GALNT10: variants seen among roughly 807,000 people sequenced by gnomAD.
The protein encoded by GALNT10 is polypeptide N-acetylgalactosaminyltransferase 10.
GALNT10 carries 41 observed loss-of-function variants against 75.0 expected under a neutral mutation model. The observed-to-expected ratio is 0.55, with a 90% CI of 0.43 to 0.71. The LOEUF (loss-of-function observed/expected upper bound fraction) is 0.71. Among genes scored for constraint, GALNT10 ranks in the 30% least tolerant of loss-of-function variants. The pLI is 0.00. For synonymous variants in GALNT10, 302 were observed against 313.0 expected, an observed-to-expected ratio of 0.96 and a Z score of 0.37; for missense variants, 727 against 818.5, an observed-to-expected ratio of 0.89 and a Z score of 1.36.
intron 3 of GALNT10, among the ~76,000 whole-genome samples, chr5:154,310,329 T>A (rs1158548857): frequency 6.6e-6 from 1 of 152,068 alleles, no homozygotes; most frequent in African/African-American, 2.4e-5. Context: ...TTTTGGTAGG[T>A]TGTTAGCGAG....
chr5:154,416,480 T>TACAAACACACAC lies in GALNT10; in HGVS notation c.1654-331_1654-330insAACACACACACA, dbSNP rs1554102731. Among the ~76,000 whole-genome samples, 1 of 141,828 alleles carries TACAAACACACAC rather than the reference T, an allele frequency of 7.1e-6. No homozygotes were observed. The highest frequency in any genetic ancestry group is 1.5e-5 in the Non-Finnish European group (1 of 65,982). 93.0% of individuals were successfully genotyped at this position (141,828 alleles called of 152,430 possible). ...AAATAAAAGATAAAAGGAAAGCACA[T>TACAAACACACAC]ACACACACACACACACACACACACA... On this transcript the variant is annotated intron_variant, in intron 11 of 11. Transcript: ENST00000297107. This position sits in a 1 kb window ranked among gnomAD's most constrained non-coding sequence, Gnocchi z 4.5.
chr5:154,203,389 C>A (rs1206179426), intron 1 of GALNT10, among the ~76,000 whole-genome samples: 1 of 152,192 alleles, frequency 6.6e-6, no homozygotes, highest in Non-Finnish European at 1.5e-5. Context: ...TTTATCATAT[C>A]CAGTCTCCCT....
chr5:154,253,396 G>A (rs957495142), intron 1 of GALNT10, among the ~76,000 whole-genome samples: 10 of 121,220 alleles, frequency 8.2e-5, no homozygotes, highest in African/African-American at 3.0e-4. Context: ...CTGTTGTGGG[G>A]TGGGGGGAGG....
At position 154,412,832 on chromosome 5, in the gene GALNT10, C is replaced by A. The variant is rs1756426623; in HGVS notation, c.1387-57C>A. 8.6e-7 allele frequency: 1 copy of A among 1,168,296 alleles called. No individual in the cohort carries two copies. Among genetic ancestry groups the A allele is most frequent in the Admixed American group, 1.7e-5 (1 of 59,400 alleles). The allele number at this position is 1,168,296 out of a possible 1,614,324, so 72.4% of individuals were successfully genotyped here. A position where few individuals can be genotyped will look rare whatever the true frequency, so the allele number is the denominator to read the frequency against. On this transcript the variant is annotated intron_variant, in intron 9 of 11. Coordinates refer to ENST00000297107, the MANE Select transcript of GALNT10 (RefSeq NM_198321.4). This position sits in a 1 kb window ranked among gnomAD's most constrained non-coding sequence, Gnocchi z 4.2. ...GGTTTCCCCTTTCACCTGGCAGGGA[C>A]CCGGTGGGCACCTTAAGGCACCTCA... is the stretch of plus-strand genomic sequence containing the variant.
At chr5:154,299,720 T>C (rs1018216728) in intron 3 of GALNT10, among the ~76,000 whole-genome samples, 1 of 152,224 alleles carries the variant, frequency 6.6e-6, no homozygotes, top group African/African-American at 2.4e-5. Context: ...TCACCTAGGA[T>C]TGGGCCCTTT....
chr5:154,285,399 T>C (rs1754096862), intron 1 of GALNT10, among the ~76,000 whole-genome samples: 1 of 152,180 alleles, frequency 6.6e-6, no homozygotes. Context: ...ATGGACAGTA[T>C]TGAAACTTAA....
At chr5:154,386,262 C>A in intron 6 of GALNT10, 51 bp from the exon 7 acceptor site, 2 of 1,293,224 alleles carry the variant, frequency 1.5e-6, no homozygotes, top group Non-Finnish European at 2.2e-6. Flanking sequence ...CACATGAGAG[C>A]ATGTGGCCAG....
chr5:154,263,839 C>G (rs889659710), intron 1 of GALNT10, among the ~76,000 whole-genome samples: 3 of 152,028 alleles, frequency 2.0e-5, no homozygotes, highest in Non-Finnish European at 4.4e-5. Flanking sequence ...ATATGAATTC[C>G]AGAGGGGACA....
In GALNT10 at chr5:154,361,985, C is replaced by T. The variant is rs114469534; in HGVS notation, c.569-14292C>T. ...GGGTGATGTGGGTCATCTATGGCTCCACCCAGACAGCCATCTGGGTCCCTG... is the reference window on the plus strand; with the variant it reads ...GGGTGATGTGGGTCATCTATGGCTCTACCCAGACAGCCATCTGGGTCCCTG... On this transcript the variant is annotated intron_variant, in intron 4 of 11. Transcript: ENST00000297107. Among the ~76,000 whole-genome samples, 939 of 152,234 alleles carry T rather than the reference C, an allele frequency of 6.2e-3. 11 individuals carry two copies. Among genetic ancestry groups the T allele is most frequent in the African/African-American group, 0.022 (913 of 41,494 alleles).
At chr5:154,371,875 G>A (rs1309285297) in intron 4 of GALNT10, among the ~76,000 whole-genome samples, 1 of 152,110 alleles carries the variant, frequency 6.6e-6, no homozygotes, top group African/African-American at 2.4e-5. Flanking sequence ...AGTTACACAA[G>A]TTGAAGTTGT....
rs548307669 is a variant in GALNT10, at chr5:154,221,136, G to A, written c.159+30111G>A. Among the ~76,000 whole-genome samples, 78 of 152,260 alleles carry A rather than the reference G, an allele frequency of 5.1e-4. 1 individual carries two copies. The highest frequency in any genetic ancestry group is 1.9e-3 in the African/African-American group (78 of 41,542). ...TCCTATTCAACAGATGGGCAAGTCA[G>A]GACACCGGGAGGTTAAGGGACTTCT... On this transcript the variant is annotated intron_variant, in intron 1 of 11. Coordinates refer to ENST00000297107, the MANE Select transcript of GALNT10 (RefSeq NM_198321.4).
intron 7 of GALNT10, among the ~76,000 whole-genome samples, chr5:154,396,903 G>T (rs1295914807): frequency 6.6e-6 from 1 of 152,102 alleles, no homozygotes; most frequent in Non-Finnish European, 1.5e-5. Flanking sequence ...AAGGAGGGTG[G>T]ATCACTAGAG....
intron 7 of GALNT10, among the ~76,000 whole-genome samples, chr5:154,398,158 G>A (rs1020860536): frequency 6.6e-6 from 1 of 152,236 alleles, no homozygotes; most frequent in African/African-American, 2.4e-5. Context: ...AAGGGTCCTG[G>A]AAACAAGCTA....
At chr5:154,204,017 C>G (rs1775068887) in intron 1 of GALNT10, among the ~76,000 whole-genome samples, 1 of 152,206 alleles carries the variant, frequency 6.6e-6, no homozygotes. Flanking sequence ...AAGCAGTCAG[C>G]AAGCTGGATT....
intron 4 of GALNT10, among the ~76,000 whole-genome samples, chr5:154,335,257 CTGTACTT>C (rs1754926028): frequency 2.6e-5 from 4 of 152,204 alleles, no homozygotes; most frequent in Non-Finnish European, 5.9e-5. Context: ...GTGCCACATG[CTGTACTT>C]TGTGCTATGA....
chr5:154,284,973 C>T (rs906625147), intron 1 of GALNT10, among the ~76,000 whole-genome samples: 3 of 152,170 alleles, frequency 2.0e-5, no homozygotes, highest in Non-Finnish European at 4.4e-5. Flanking sequence ...AATAAACCCA[C>T]CACTTAAGGT....
intron 1 of GALNT10, among the ~76,000 whole-genome samples, chr5:154,199,410 G>T (rs1300911841): frequency 3.9e-5 from 6 of 152,138 alleles, no homozygotes; most frequent in Admixed American, 2.0e-4. Context: ...TTCCTGGGAA[G>T]TGTGTTTATC....
rs796318005 is a variant in GALNT10, at chr5:154,371,563, TAC to T, written c.569-4695_569-4694del. On this transcript the variant is annotated intron_variant, in intron 4 of 11. Transcript: ENST00000297107. ...GTGTGTGTGTGTGTGTGTGTGTGTG[TAC>T]ACACACACACACACACACGTGTGCA... is the stretch of plus-strand genomic sequence containing the variant. Among the ~76,000 whole-genome samples the T allele has an allele frequency of 9.2e-3, 470 of 50,842 alleles. 5 individuals carry two copies. The highest frequency in any genetic ancestry group is 0.021 in the South Asian group (44 of 2,102). The allele number at this position is 50,842 out of a possible 152,430, so 33.4% of individuals were successfully genotyped here.
chr5:154,314,319 C>A (rs115122238), intron 3 of GALNT10, among the ~76,000 whole-genome samples: 1,790 of 152,160 alleles, frequency 0.012, 31 homozygotes, highest in African/African-American at 0.041. Context: ...CCTCACCACA[C>A]CTGTAGTTGC....
Sources: gnomAD v4.1 joint callset for allele counts (sites outside exome capture counted in the v4.1 genomes callset) on GRCh38, gnomAD v4.1.1 for gene constraint, Gnocchi (gnomAD v3.1) non-coding constraint, MANE v1.5 for transcripts, NCBI Gene and HGNC (gene_info 2026-07-23, HGNC 2026-07-21) for gene names.